The following TIGAR variants were observed in gnomAD, a reference collection of about 807,000 sequenced individuals.
The protein encoded by TIGAR is fructose-2,6-bisphosphatase TIGAR.
In TIGAR, 7 loss-of-function variants were observed where a neutral mutation model predicts 17.9. The ratio of observed to expected loss-of-function variants is 0.39; its 90% CI spans 0.22 to 0.73. The LOEUF is 0.73. Ranked by LOEUF, TIGAR falls within the 30% of genes least tolerant of loss-of-function variation. The pLI, the probability that TIGAR is intolerant of heterozygous loss-of-function variation, is 0.42. For missense variants in TIGAR, 258 were observed against 327.4 expected, an observed-to-expected ratio of 0.79 and a Z score of 1.64; for synonymous variants, 94 against 108.6, an observed-to-expected ratio of 0.87 and a Z score of 0.84.
At chr12:4,324,530 C>T in intron 1 of TIGAR, 1 of 1,609,504 alleles carries the variant, frequency 6.2e-7, no homozygotes, top group South Asian at 1.1e-5. Flanking sequence ...TAGACGCCCA[C>T]CATGCTGCCC....
intron 1 of TIGAR, chr12:4,324,339 T>TC: frequency 1.3e-6 from 1 of 756,900 alleles, no homozygotes. Context: ...TTTTTTTTTT[T>TC]TGGAAATATG....
chr12:4,344,806 G>T (rs2120681490), intron 3 of TIGAR, among the ~76,000 whole-genome samples: 1 of 152,278 alleles, frequency 6.6e-6, no homozygotes, highest in South Asian at 2.1e-4. Flanking sequence ...TATTCAATTA[G>T]GAAAAGAGGA....
rs1864883213 is a variant in TIGAR at position 4,354,953 on chromosome 12, A to G, written c.*2262A>G. Among the ~76,000 whole-genome samples the G allele has an allele frequency of 6.7e-6, 1 of 150,130 alleles. No individual in the cohort carries two copies. The highest frequency in any genetic ancestry group is 2.5e-5 in the African/African-American group (1 of 40,750). Reference sequence around the variant, plus strand: ...GCCATGTTGGCCAGGCTGGTCTTGAACTTCTGACCTCAGGTGATCCACCTG... The same window carrying G: ...GCCATGTTGGCCAGGCTGGTCTTGAGCTTCTGACCTCAGGTGATCCACCTG... On this transcript the variant is annotated 3_prime_UTR_variant, in exon 6 of 6. Transcript: ENST00000179259.
chr12:4,352,248 C>T lies in TIGAR; in HGVS notation c.382-12C>T. 6.3e-7 allele frequency: 1 copy of T among 1,594,378 alleles called. No homozygotes were observed. Among genetic ancestry groups the T allele is most frequent in the South Asian group, 1.1e-5 (1 of 89,074 alleles). Reference sequence around the variant, plus strand: ...TGTCACTTTATTTTGACTTTTATTTCTTTTCTTGTAGGTGAAAATGCGTGG... The same window carrying T: ...TGTCACTTTATTTTGACTTTTATTTTTTTTCTTGTAGGTGAAAATGCGTGG... On this transcript the variant is annotated splice_polypyrimidine_tract_variant and intron_variant, in intron 5 of 5. Coordinates refer to ENST00000179259, the MANE Select transcript of TIGAR (RefSeq NM_020375.3).
chr12:4,358,298 A>G lies in TIGAR; in HGVS notation c.*5607A>G, dbSNP rs1591668865. Among the ~76,000 whole-genome samples the G allele has an allele frequency of 6.6e-6, 1 of 152,026 alleles. No homozygotes were observed. Among genetic ancestry groups the G allele is most frequent in the Middle Eastern group, 3.4e-3 (1 of 294 alleles). On this transcript the variant is annotated 3_prime_UTR_variant, in exon 6 of 6. Transcript: ENST00000179259. ...TAGCTGGGCGTCTCCAAAAAAAAAAAAAAAGAAAAAGAAAAATCACTGAGC... is the reference window on the plus strand; with the variant it reads ...TAGCTGGGCGTCTCCAAAAAAAAAAGAAAAGAAAAAGAAAAATCACTGAGC...
intron 3 of TIGAR, among the ~76,000 whole-genome samples, chr12:4,340,871 C>T (rs1482485647): frequency 6.6e-6 from 1 of 152,158 alleles, no homozygotes; most frequent in Non-Finnish European, 1.5e-5. Flanking sequence ...CTGTCTTTCT[C>T]CATATACAAA....
chr12:4,330,154 G>A (rs187195987), intron 1 of TIGAR, among the ~76,000 whole-genome samples: 41 of 152,178 alleles, frequency 2.7e-4, no homozygotes, highest in African/African-American at 9.9e-4. Context: ...TCCAGGTCTG[G>A]TAGATTTTTT....
At position 4,337,057 on chromosome 12, in the gene TIGAR, C is replaced by T. The variant is rs778354019; in HGVS notation, c.89C>T (p.Pro30Leu). 1.2e-6 allele frequency: 2 copies of T among 1,610,950 alleles called. No homozygotes were observed. ...ATCACAGGACAAGGAGTAGATGAAC[C>T]TCTTTCAGAAACTGGATTTAAACAA... is the stretch of plus-strand genomic sequence containing the variant. Reference protein sequence around the residue: ...KIIQGQGVDEPLSETGFKQAA... With the variant: ...KIIQGQGVDELLSETGFKQAA... The change falls in exon 3 of 6, where the codon CCT (proline) becomes CTT (leucine). Residue 30 changes from proline (P) to leucine (L), a missense_variant. Physicochemically the swap from Pro to Leu is moderately conservative, Grantham distance 98. Transcript: ENST00000179259.
Position 4,351,307 on chromosome 12 carries a change from G to A in TIGAR, c.311G>A (p.Arg104Lys), listed in dbSNP as rs568604379. 4 of 1,614,192 alleles carry A rather than the reference G, an allele frequency of 2.5e-6. No homozygotes were observed. In the Admixed American group the frequency reaches 6.7e-5, roughly 27 times the overall value. The change falls in exon 5 of 6, where the codon AGG becomes AAG. Residue 104 changes from arginine (R) to lysine (K), a missense_variant. Transcript: ENST00000179259. ...GAAGGCAAAGCGCTAAGTGAGCTGA[G>A]GGCCATGGCCAAAGCAGCCAGGGAA... Reference protein sequence around the residue: ...VVEGKALSELRAMAKAAREEC... With the variant: ...VVEGKALSELKAMAKAAREEC...
intron 2 of TIGAR, among the ~76,000 whole-genome samples, chr12:4,332,948 C>T (rs1416357437): frequency 3.3e-5 from 5 of 152,152 alleles, no homozygotes; most frequent in Non-Finnish European, 5.9e-5. Flanking sequence ...CCAGTTTGCC[C>T]TTTAATACTT....
intron 3 of TIGAR, among the ~76,000 whole-genome samples, chr12:4,347,726 C>G (rs1305941470): frequency 3.9e-5 from 6 of 151,920 alleles, no homozygotes; most frequent in Non-Finnish European, 5.9e-5. Context: ...AGAAAAAAGC[C>G]AAAAAATGAA....
At position 4,356,803 on chromosome 12, in the gene TIGAR, G is replaced by A. The variant is rs570222463; in HGVS notation, c.*4112G>A. ...AGTCCGAGGCCTAGCAGAGGGAATGGGCAGAAGTTTCCAGTTCCAGGCTTC... is the reference window on the plus strand; with the variant it reads ...AGTCCGAGGCCTAGCAGAGGGAATGAGCAGAAGTTTCCAGTTCCAGGCTTC... On this transcript the variant is annotated 3_prime_UTR_variant, in exon 6 of 6. Transcript: ENST00000179259. 6.6e-6 allele frequency among the ~76,000 whole-genome samples: 1 copy of A among 152,272 alleles called. No individual in the cohort carries two copies. Among genetic ancestry groups the A allele is most frequent in the Admixed American group, 6.5e-5 (1 of 15,298 alleles).
At chr12:4,351,212 T>C (rs1160245517) in intron 4 of TIGAR, 55 bp from the exon 5 acceptor site, 16 of 1,534,118 alleles carry the variant, frequency 1.0e-5, no homozygotes, top group Non-Finnish European at 4.5e-6. Context: ...AACATAAACT[T>C]AATTGTTATA....
intron 3 of TIGAR, among the ~76,000 whole-genome samples, chr12:4,345,659 G>C (rs1019077786): frequency 5.9e-5 from 9 of 152,156 alleles, no homozygotes; most frequent in Non-Finnish European, 1.2e-4. Context: ...AAAAACCCTA[G>C]AAGAAAACCT....
At chr12:4,322,003 T>TTTA (rs1555091388) in intron 1 of TIGAR, among the ~76,000 whole-genome samples, 4 of 151,662 alleles carry the variant, frequency 2.6e-5, no homozygotes, top group African/African-American at 7.3e-5. Flanking sequence ...TTTTTATTTT[T>TTTA]TTTTTTTTGT....
At chr12:4,329,911 G>T (rs921034416) in intron 1 of TIGAR, among the ~76,000 whole-genome samples, 2 of 152,128 alleles carry the variant, frequency 1.3e-5, no homozygotes, top group African/African-American at 4.8e-5. Flanking sequence ...ACTTATGTTG[G>T]TAGTGCCAGG....
intron 3 of TIGAR, among the ~76,000 whole-genome samples, chr12:4,344,248 C>CA (rs1384968192): frequency 1.3e-5 from 2 of 151,980 alleles, no homozygotes; most frequent in African/African-American, 4.8e-5. Flanking sequence ...GCTTACCAAC[C>CA]AAAAAAAGTC....
At chr12:4,335,164 A>G (rs998638197) in intron 2 of TIGAR, among the ~76,000 whole-genome samples, 1 of 151,940 alleles carries the variant, frequency 6.6e-6, no homozygotes, top group African/African-American at 2.4e-5. Context: ...CAGCCTTCCA[A>G]GTAGCTGGGA....
Position 4,352,269 on chromosome 12 carries a change from C to T in TIGAR, c.391C>T (p.Arg131Cys), listed in dbSNP as rs1366686598. The T allele has an allele frequency of 2.5e-6, 4 of 1,607,606 alleles. No homozygotes were observed. Among genetic ancestry groups the T allele is most frequent in the African/African-American group, 1.3e-5 (1 of 74,490 alleles). ...GGETLDQVKM[R>C]GIDFFEFLCQ... ...ATTTCTTTTCTTGTAGGTGAAAATG[C>T]GTGGAATAGACTTTTTTGAATTTCT... Residue 131 changes from arginine (R) to cysteine (C), a missense_variant, in exon 6 of 6, where the codon CGT becomes TGT. Transcript: ENST00000179259.
Sources: allele counts gnomAD v4.1 joint callset (sites outside exome capture counted in the v4.1 genomes callset), GRCh38; gene constraint gnomAD v4.1.1; transcripts MANE v1.5; gene names NCBI Gene and HGNC (gene_info 2026-07-23, HGNC 2026-07-21).